FAM210B: variants seen among roughly 807,000 people sequenced by gnomAD.
FAM210B encodes the protein family with sequence similarity 210 member B.
A neutral mutation model predicts 14.9 loss-of-function variants in FAM210B; 11 were observed. The observed-to-expected ratio is 0.74, with a 90% CI of 0.46 to 1.22. The LOEUF is 1.22. FAM210B is among the 50% of genes most tolerant of loss of function. FAM210B has a pLI of 0.00. For synonymous variants in FAM210B, 113 were observed against 110.2 expected (o/e 1.03, Z -0.16); for missense variants, 229 against 250.1 (o/e 0.92, Z 0.57).
At position 56,359,746 on chromosome 20, in the gene FAM210B, G is replaced by T. The variant is rs1316080494; in HGVS notation, c.186+555G>T. 6.6e-6 allele frequency among the ~76,000 whole-genome samples: 1 copy of T among 152,228 alleles called. No homozygotes were observed. Among genetic ancestry groups the T allele is most frequent in the African/African-American group, 2.4e-5 (1 of 41,464 alleles). The stretch of plus-strand genomic sequence containing the variant: ...GCAGTCATACCAGCTTTCCTTTCAA[G>T]AAATCTATCACTTTCTTCCAAGTGA... On this transcript the variant is annotated intron_variant, in intron 1 of 2. Transcript: ENST00000371384. The surrounding 1 kb of genome is among the most constrained non-coding windows in gnomAD (Gnocchi z 4.3).
chr20:56,368,334 A>AAAAAAAAAG lies in FAM210B; in HGVS notation c.*2062_*2070dup, dbSNP rs1338183426. The AAAAAAAAAG allele has an allele frequency of 6.6e-6, 1 of 152,468 alleles. No homozygotes were observed. The highest frequency in any genetic ancestry group is 2.1e-4 in the South Asian group (1 of 4,834). 9.4% of individuals were successfully genotyped at this position (152,468 alleles called of 1,614,324 possible). A position where few individuals can be genotyped will look rare whatever the true frequency, so the allele number is the denominator to read the frequency against. On this transcript the variant is annotated 3_prime_UTR_variant, in exon 3 of 3. Transcript: ENST00000371384. The stretch of plus-strand genomic sequence containing the variant: ...TGTCCCTAGTAATGCCTATGCAAAA[A>AAAAAAAAAG]AAAAAAAAGAAAAAAAAGAAAAACT...
chr20:56,366,457 A>AT lies in FAM210B; in HGVS notation c.*176dup, dbSNP rs959938680. The AT allele has an allele frequency of 6.1e-5, 39 of 641,046 alleles. No homozygotes were observed. In the African/African-American group the frequency reaches 7.0e-4, roughly 11 times the overall value. 39.7% of individuals were successfully genotyped at this position (641,046 alleles called of 1,614,324 possible). ...AAAATCAGGCTTTTGAACAATTTTA[A>AT]TTTTTTGCCTCATAAATTTTGTGAA... On this transcript the variant is annotated 3_prime_UTR_variant, in exon 3 of 3. Coordinates refer to ENST00000371384, the MANE Select transcript of FAM210B (RefSeq NM_080821.3).
chr20:56,360,516 A>C, intron 1 of FAM210B: 1 of 215,746 alleles, frequency 4.6e-6, no homozygotes, highest in Non-Finnish European at 9.7e-6. Flanking sequence ...CTCTCTACTC[A>C]CTTGTTGTTG....
In FAM210B at chr20:56,359,219, C is replaced by T. The variant is rs2146106333; in HGVS notation, c.186+28C>T. ...AAGCACCCCACCCCGACCCTGATCC[C>T]GGGCGGTGTCCAGGTCCCCAGACGT... On this transcript the variant is annotated intron_variant, in intron 1 of 2. Coordinates refer to ENST00000371384, the MANE Select transcript of FAM210B (RefSeq NM_080821.3). This position sits in a 1 kb window ranked among gnomAD's most constrained non-coding sequence, Gnocchi z 4.3. 5 of 1,223,572 alleles carry T rather than the reference C, an allele frequency of 4.1e-6. No individual in the cohort carries two copies. The highest frequency in any genetic ancestry group is 5.1e-6 in the Non-Finnish European group (5 of 983,542). 75.8% of individuals were successfully genotyped at this position (1,223,572 alleles called of 1,614,324 possible). A position where few individuals can be genotyped will look rare whatever the true frequency, so the allele number is the denominator to read the frequency against.
Position 56,365,924 on chromosome 20 carries a change from G to GCTCA in FAM210B, c.363-147_363-146insCTCA, listed in dbSNP as rs1313175805. On this transcript the variant is annotated intron_variant, in intron 2 of 2. Transcript: ENST00000371384. Reference sequence around the variant, plus strand: ...CTCCCAAAGTGCTAGGATTACAGGCGTGAGCCACTGCACCTGGCCACTAAG... The same window carrying GCTCA: ...CTCCCAAAGTGCTAGGATTACAGGCGCTCATGAGCCACTGCACCTGGCCACTAAG... 3 of 551,150 alleles carry GCTCA rather than the reference G, an allele frequency of 5.4e-6. No individual in the cohort carries two copies. The African/African-American group carries it at 7.7e-5, about 14-fold the overall frequency. The allele number at this position is 551,150 out of a possible 1,614,324, so 34.1% of individuals were successfully genotyped here. A position where few individuals can be genotyped will look rare whatever the true frequency, so the allele number is the denominator to read the frequency against.
rs759102086 is a variant in FAM210B at position 56,366,227 on chromosome 20, CTTGA to C, written c.523_526del (p.Ile175SerfsTer26). On this transcript the variant is annotated frameshift_variant, in exon 3 of 3. Coordinates refer to ENST00000371384, the MANE Select transcript of FAM210B (RefSeq NM_080821.3). LOFTEE classifies it high-confidence loss of function. ...TCAGCATTACGCTAGTCTCTGTGCC[CTTGA>C]TTGTCAGATATTTTCGAAAAGTGGG... The C allele has an allele frequency of 3.7e-6, 6 of 1,614,030 alleles. No individual in the cohort carries two copies. Among genetic ancestry groups the C allele is most frequent in the East Asian group, 4.5e-5 (2 of 44,890 alleles).
chr20:56,366,468 C>T lies in FAM210B; in HGVS notation c.*181C>T, dbSNP rs796632760. On this transcript the variant is annotated 3_prime_UTR_variant, in exon 3 of 3. Coordinates refer to ENST00000371384, the MANE Select transcript of FAM210B (RefSeq NM_080821.3). ...TTTGAACAATTTTAATTTTTTGCCT[C>T]ATAAATTTTGTGAATGCTATTCATT... is the stretch of plus-strand genomic sequence containing the variant. The T allele has an allele frequency of 1.3e-5, 8 of 623,920 alleles. No individual in the cohort carries two copies. In the African/African-American group the frequency reaches 1.3e-4, roughly 10 times the overall value. The allele number at this position is 623,920 out of a possible 1,614,324, so 38.6% of individuals were successfully genotyped here.
Position 56,366,394 on chromosome 20 carries a change from G to C in FAM210B, c.*107G>C. On this transcript the variant is annotated 3_prime_UTR_variant, in exon 3 of 3. Coordinates refer to ENST00000371384, the MANE Select transcript of FAM210B (RefSeq NM_080821.3). ...AGGGTTTCTTTTGGAGAGGTAGGGG[G>C]CTAATTGCTATGTTCTCATGGATAA... The C allele has an allele frequency of 1.0e-6, 1 of 1,000,350 alleles. No homozygotes were observed. The highest frequency in any genetic ancestry group is 1.5e-6 in the Non-Finnish European group (1 of 672,164). The allele number at this position is 1,000,350 out of a possible 1,614,324, so 62.0% of individuals were successfully genotyped here.
chr20:56,359,386 A>C lies in FAM210B; in HGVS notation c.186+195A>C, dbSNP rs1269775225. 2.0e-5 allele frequency among the ~76,000 whole-genome samples: 3 copies of C among 152,248 alleles called. No homozygotes were observed. Among genetic ancestry groups the C allele is most frequent in the Admixed American group, 1.3e-4 (2 of 15,290 alleles). On this transcript the variant is annotated intron_variant, in intron 1 of 2. Transcript: ENST00000371384. This position sits in a 1 kb window ranked among gnomAD's most constrained non-coding sequence, Gnocchi z 4.3. ...AGCGATCCTCCTAGTTGACAGCCAG[A>C]GAAACTGAGGCTCGGGAAGGTGTGG... is the stretch of plus-strand genomic sequence containing the variant.
At position 56,365,203 on chromosome 20, in the gene FAM210B, G is replaced by A. The variant is rs144911122; in HGVS notation, c.303G>A (p.Val101=). 15 of 1,614,032 alleles carry A rather than the reference G, an allele frequency of 9.3e-6. No individual in the cohort carries two copies. The highest frequency in any genetic ancestry group is 1.3e-5 in the Non-Finnish European group (15 of 1,180,038). ...TTCAAGAGTATGGCACTGTTGGCGT[G>A]TCATTGCACATTGGAATCTCATTAA... The part of the protein sequence containing the change: ...KIFQEYGTVG[V]SLHIGISLIS... The change falls in exon 2 of 3, where the codon GTG becomes GTA. Residue 101 remains valine, a synonymous_variant. Transcript: ENST00000371384.
intron 1 of FAM210B, among the ~76,000 whole-genome samples, chr20:56,361,400 T>G (rs1337166814): frequency 2.0e-5 from 3 of 152,112 alleles, no homozygotes; most frequent in Non-Finnish European, 4.4e-5. Context: ...GGGTGGGGTT[T>G]TGTCAGTTTT....
In FAM210B at chr20:56,365,221, C is replaced by A; in HGVS notation, c.321C>A (p.Ile107=). The A allele has an allele frequency of 6.2e-7, 1 of 1,613,994 alleles. No homozygotes were observed. The highest frequency in any genetic ancestry group is 8.5e-7 in the Non-Finnish European group (1 of 1,179,970). Residue 107 remains isoleucine, a synonymous_variant, in exon 2 of 3, where the codon ATC becomes ATA. Transcript: ENST00000371384. The part of the protein sequence containing the change: ...GTVGVSLHIG[I]SLISLGIFYM... ...TTGGCGTGTCATTGCACATTGGAATCTCATTAATTTCCTTGGGCATATTTT... is the reference window on the plus strand; with the variant it reads ...TTGGCGTGTCATTGCACATTGGAATATCATTAATTTCCTTGGGCATATTTT...
At position 56,365,094 on chromosome 20, in the gene FAM210B, G is replaced by T. The variant is rs149882892; in HGVS notation, c.194G>T (p.Ser65Ile). 4 of 1,612,812 alleles carry T rather than the reference G, an allele frequency of 2.5e-6. No individual in the cohort carries two copies. In the African/African-American group the frequency reaches 5.3e-5, roughly 22 times the overall value. Residue 65 changes from serine to isoleucine, a missense_variant, in exon 2 of 3, where the codon AGC becomes ATC. By Grantham distance (142) the Ser-to-Ile change is moderately radical. Transcript: ENST00000371384. ...RGDCRGHQDP[S>I]QATGTTGSSV... Reference sequence around the variant, plus strand: ...TCTCTGATTTGTACACAGGACCCCAGCCAGGCCACGGGGACAACAGGCAGC... The same window carrying T: ...TCTCTGATTTGTACACAGGACCCCATCCAGGCCACGGGGACAACAGGCAGC...
rs780575478 is a variant in FAM210B, at chr20:56,365,104, G to T, written c.204G>T (p.Thr68=). The change falls in exon 2 of 3, where the codon ACG becomes ACT. Residue 68 remains threonine, a synonymous_variant. Transcript: ENST00000371384. ...CRGHQDPSQA[T]GTTGSSVSCT... ...GTACACAGGACCCCAGCCAGGCCAC[G>T]GGGACAACAGGCAGCAGCGTCAGCT... 2.5e-6 allele frequency: 4 copies of T among 1,613,238 alleles called. No homozygotes were observed. The Admixed American group carries it at 6.7e-5, about 27-fold the overall frequency.
At chr20:56,365,407 T>C in intron 2 of FAM210B, 145 bp downstream of exon 2, 1 of 838,630 alleles carries the variant, frequency 1.2e-6, no homozygotes, top group Non-Finnish European at 1.8e-6. Flanking sequence ...TGATCACAGC[T>C]CACTGCAGTC....
rs535678927 is a variant in FAM210B at position 56,361,931 on chromosome 20, C to T, written c.186+2740C>T. ...GGCGGAGGTTGCAGTGAGCCAAGGT[C>T]GTATCACTCCACTCCAGCCTGGACG... On this transcript the variant is annotated intron_variant, in intron 1 of 2. Coordinates refer to ENST00000371384, the MANE Select transcript of FAM210B (RefSeq NM_080821.3). 4.6e-5 allele frequency among the ~76,000 whole-genome samples: 7 copies of T among 152,152 alleles called. No homozygotes were observed. In the East Asian group the frequency reaches 1.2e-3, roughly 25 times the overall value.
rs1170315542 is a variant in FAM210B, at chr20:56,359,484, CCGACTGACTTGGTCTGAA to C, written c.186+295_186+312del. On this transcript the variant is annotated intron_variant, in intron 1 of 2. Transcript: ENST00000371384. This position sits in a 1 kb window ranked among gnomAD's most constrained non-coding sequence, Gnocchi z 4.3. ...GAGCCTCAGCCAGGCTGGGGCGCAG[CCGACTGACTTGGTCTGAA>C]CTTCCACACGTTGCCTGCGGAGTTG... Among the ~76,000 whole-genome samples the C allele has an allele frequency of 6.6e-6, 1 of 152,234 alleles. No homozygotes were observed. The highest frequency in any genetic ancestry group is 1.5e-5 in the Non-Finnish European group (1 of 68,050).
rs952914141 is a variant in FAM210B at position 56,368,273 on chromosome 20, G to A, written c.*1986G>A. ...GTGTTTAAAGCAATTCCTTGGCTTCGGCTCCTCACCACTTTCTATGCCAGT... is the reference window on the plus strand; with the variant it reads ...GTGTTTAAAGCAATTCCTTGGCTTCAGCTCCTCACCACTTTCTATGCCAGT... On this transcript the variant is annotated 3_prime_UTR_variant, in exon 3 of 3. Coordinates refer to ENST00000371384, the MANE Select transcript of FAM210B (RefSeq NM_080821.3). 2.0e-5 allele frequency: 3 copies of A among 152,142 alleles called. No individual in the cohort carries two copies. Among genetic ancestry groups the A allele is most frequent in the Non-Finnish European group, 2.9e-5 (2 of 68,002 alleles). 9.4% of individuals were successfully genotyped at this position (152,142 alleles called of 1,614,324 possible). A position where few individuals can be genotyped will look rare whatever the true frequency, so the allele number is the denominator to read the frequency against.
rs1394561336 is a variant in FAM210B at position 56,359,241 on chromosome 20, A to G, written c.186+50A>G. On this transcript the variant is annotated intron_variant, in intron 1 of 2. Transcript: ENST00000371384. The surrounding 1 kb of genome is among the most constrained non-coding windows in gnomAD (Gnocchi z 4.3). ...TCCCGGGCGGTGTCCAGGTCCCCAG[A>G]CGTCCGCAGGGCCGCGCCGGGGTCC... 1 of 1,216,706 alleles carries G rather than the reference A, an allele frequency of 8.2e-7. No individual in the cohort carries two copies. Among genetic ancestry groups the G allele is most frequent in the East Asian group, 3.3e-5 (1 of 30,496 alleles). The allele number at this position is 1,216,706 out of a possible 1,614,324, so 75.4% of individuals were successfully genotyped here.
Sources: gnomAD v4.1 joint callset for allele counts (sites outside exome capture counted in the v4.1 genomes callset) on GRCh38, gnomAD v4.1.1 for gene constraint, Gnocchi (gnomAD v3.1) non-coding constraint, MANE v1.5 for transcripts, NCBI Gene and HGNC (gene_info 2026-07-23, HGNC 2026-07-21) for gene names.